The following FAM53B variants were observed in gnomAD, a reference collection of about 807,000 sequenced individuals.
FAM53B encodes the protein protein FAM53B.
A neutral mutation model predicts 32.7 loss-of-function variants in FAM53B; 12 were observed. That is an observed-to-expected ratio of 0.37 (90% CI 0.24 to 0.59). The LOEUF (loss-of-function observed/expected upper bound fraction) is 0.59. FAM53B is among the 20% of genes least tolerant of loss of function. The pLI is 0.72. For missense variants in FAM53B, 477 were observed against 577.7 expected (o/e 0.83, Z 1.79); for synonymous variants, 234 against 228.7 (o/e 1.02, Z -0.21).
chr10:124,719,038 C>CA (rs544814282), intron 1 of FAM53B, among the ~76,000 whole-genome samples: 1,722 of 97,624 alleles, frequency 0.018, 34 homozygotes, highest in African/African-American at 0.048. Flanking sequence ...TCCTGTCTCA[C>CA]AAAAAAAATA....
At chr10:124,705,739 C>G (rs1007795327) in intron 2 of FAM53B, 2 of 151,454 alleles carry the variant, frequency 1.3e-5, no homozygotes, top group Admixed American at 6.6e-5. Flanking sequence ...CTTTCCCAAG[C>G]TCCTGCCACA....
intron 4 of FAM53B, among the ~76,000 whole-genome samples, chr10:124,642,776 T>A (rs1001396751): frequency 1.3e-5 from 2 of 152,214 alleles, no homozygotes; most frequent in South Asian, 2.1e-4. Flanking sequence ...CCAAGAATTG[T>A]CCCCATAACT....
intron 4 of FAM53B, among the ~76,000 whole-genome samples, chr10:124,656,101 G>A (rs1361172624): frequency 6.6e-6 from 1 of 152,230 alleles, no homozygotes; most frequent in African/African-American, 2.4e-5. Flanking sequence ...TTGAACAGGT[G>A]GCAAAGAGAA....
chr10:124,714,754 A>T (rs1950028593), intron 1 of FAM53B, among the ~76,000 whole-genome samples: 1 of 98,358 alleles, frequency 1.0e-5, no homozygotes, highest in Non-Finnish European at 2.1e-5. Flanking sequence ...GCGAGACTCC[A>T]CCTCAAAAAA....
chr10:124,624,770 C>T (rs1269290222), intron 4 of FAM53B, among the ~76,000 whole-genome samples: 1 of 139,128 alleles, frequency 7.2e-6, no homozygotes, highest in Non-Finnish European at 1.7e-5. Context: ...AACACCTGCT[C>T]CCAGGGCAGA....
chr10:124,732,578 G>T (rs969215815), intron 1 of FAM53B, among the ~76,000 whole-genome samples: 6 of 152,094 alleles, frequency 3.9e-5, no homozygotes, highest in African/African-American at 1.4e-4. Flanking sequence ...TTGTTTTTTG[G>T]CCAGGGGCAG....
rs111397830 is a variant in FAM53B at position 124,724,826 on chromosome 10, C to T, written c.-174-17939G>A. 1.3e-3 allele frequency among the ~76,000 whole-genome samples: 196 copies of T among 152,216 alleles called. 1 individual carries two copies. The highest frequency in any genetic ancestry group is 2.6e-3 in the Non-Finnish European group (176 of 68,040). On this transcript the variant is annotated intron_variant, in intron 1 of 4. Transcript: ENST00000337318. ...CAGCCCCATACGAGAATGTCACGAT[C>T]ATCTCAGACTCCCGAGTTACAAATA...
intron 1 of FAM53B, among the ~76,000 whole-genome samples, chr10:124,735,345 A>C (rs1432180635): frequency 1.3e-5 from 2 of 152,198 alleles, no homozygotes; most frequent in African/African-American, 4.8e-5. Flanking sequence ...TATGCTTAGG[A>C]GCAAAAGTAA....
chr10:124,633,043 C>G (rs1162313536), intron 4 of FAM53B, among the ~76,000 whole-genome samples: 1 of 152,050 alleles, frequency 6.6e-6, no homozygotes. Context: ...AGGGTGCGAT[C>G]CCCCCTTCCC....
chr10:124,658,463 T>C (rs1343088645), intron 4 of FAM53B, among the ~76,000 whole-genome samples: 1 of 152,190 alleles, frequency 6.6e-6, no homozygotes, highest in African/African-American at 2.4e-5. Flanking sequence ...TGGCCCCCAC[T>C]CATACATGCA....
intron 1 of FAM53B, chr10:124,707,981 T>C (rs1256496559): frequency 6.6e-6 from 1 of 152,182 alleles, no homozygotes; most frequent in Non-Finnish European, 1.5e-5. Context: ...GAGTGCGGCC[T>C]TCAGTTCAGG....
intron 3 of FAM53B, among the ~76,000 whole-genome samples, chr10:124,693,287 T>A (rs935234035): frequency 6.6e-6 from 1 of 151,854 alleles, no homozygotes; most frequent in Admixed American, 6.6e-5. Context: ...CTGGCCAACA[T>A]GGTGAAACCC....
At chr10:124,654,172 C>A (rs917392524) in intron 4 of FAM53B, among the ~76,000 whole-genome samples, 2 of 152,234 alleles carry the variant, frequency 1.3e-5, no homozygotes, top group Non-Finnish European at 2.9e-5. Context: ...AATTAGGAAG[C>A]ATTGTGAGAA....
Position 124,733,349 on chromosome 10 carries a change from G to A in FAM53B, c.-175+10664C>T, listed in dbSNP as rs1950156314. Among the ~76,000 whole-genome samples the A allele has an allele frequency of 6.6e-6, 1 of 152,114 alleles. No homozygotes were observed. Among genetic ancestry groups the A allele is most frequent in the African/African-American group, 2.4e-5 (1 of 41,428 alleles). Reference sequence around the variant, plus strand: ...TCTGAGGGCGGTGGAGGCCTCAGGCGCACTGGCCGCCAAGAGTCAGGTGAC... The same window carrying A: ...TCTGAGGGCGGTGGAGGCCTCAGGCACACTGGCCGCCAAGAGTCAGGTGAC... On this transcript the variant is annotated intron_variant, in intron 1 of 4. Coordinates refer to ENST00000337318, the MANE Select transcript of FAM53B (RefSeq NM_014661.4). The surrounding 1 kb of genome is among the most constrained non-coding windows in gnomAD (Gnocchi z 4.3).
In FAM53B at chr10:124,620,355, G is replaced by GCCCCCCCCCCCCCCCCC. The variant is rs57254391; in HGVS notation, c.*2886_*2887insGGGGGGGGGGGGGGGGG. 7.6e-6 allele frequency: 1 copy of GCCCCCCCCCCCCCCCCC among 130,780 alleles called. No homozygotes were observed. The highest frequency in any genetic ancestry group is 1.6e-5 in the Non-Finnish European group (1 of 61,038). 8.1% of individuals were successfully genotyped at this position (130,780 alleles called of 1,614,324 possible). A position where few individuals can be genotyped will look rare whatever the true frequency, so the allele number is the denominator to read the frequency against. Reference sequence around the variant, plus strand: ...ATGAGTGGGGTGCATGTGGCACTAAGCCCCCCCCACCGCCCCGGCTTTCCT... The same window carrying GCCCCCCCCCCCCCCCCC: ...ATGAGTGGGGTGCATGTGGCACTAAGCCCCCCCCCCCCCCCCCCCCCCCCCACCGCCCCGGCTTTCCT... On this transcript the variant is annotated 3_prime_UTR_variant, in exon 5 of 5. Transcript: ENST00000337318.
chr10:124,694,325 T>C (rs1408157956), intron 3 of FAM53B, among the ~76,000 whole-genome samples: 2 of 152,246 alleles, frequency 1.3e-5, no homozygotes, highest in African/African-American at 4.8e-5. Flanking sequence ...AGAAAGCAGG[T>C]TGCTGGGCTC....
chr10:124,677,189 G>A (rs760203870), intron 4 of FAM53B, among the ~76,000 whole-genome samples: 4 of 152,190 alleles, frequency 2.6e-5, no homozygotes, highest in Admixed American at 6.5e-5. Flanking sequence ...CTAAATGGCC[G>A]CGTATGGCTC....
At chr10:124,630,153 C>T (rs1949381188) in intron 4 of FAM53B, among the ~76,000 whole-genome samples, 1 of 152,244 alleles carries the variant, frequency 6.6e-6, no homozygotes, top group South Asian at 2.1e-4. Flanking sequence ...TGGCTCACAC[C>T]TGTCATCCCA....
At chr10:124,739,053 A>C (rs922276262) in intron 1 of FAM53B, among the ~76,000 whole-genome samples, 3 of 151,898 alleles carry the variant, frequency 2.0e-5, no homozygotes, top group South Asian at 4.2e-4. Flanking sequence ...CAAAAAAAAA[A>C]AAACAAAAAA....
Sources: gnomAD v4.1 joint callset for allele counts (sites outside exome capture counted in the v4.1 genomes callset) on GRCh38, gnomAD v4.1.1 for gene constraint, Gnocchi (gnomAD v3.1) non-coding constraint, MANE v1.5 for transcripts, NCBI Gene and HGNC (gene_info 2026-07-23, HGNC 2026-07-21) for gene names.